The following MBP variants were observed in gnomAD, a reference collection of about 807,000 sequenced individuals.
MBP encodes myelin basic protein.
A neutral mutation model predicts 35.8 loss-of-function variants in MBP; 16 were observed. That is an observed-to-expected ratio of 0.45 (90% confidence interval 0.30 to 0.68). The LOEUF (loss-of-function observed/expected upper bound fraction) is 0.68, where lower values mean the gene tolerates loss of function less well. Ranked by LOEUF, MBP falls within the 30% of genes least tolerant of loss-of-function variation. The pLI, the probability that MBP is intolerant of heterozygous loss-of-function variation, is 0.08. For synonymous variants in MBP, 143 were observed against 159.6 expected, an observed-to-expected ratio of 0.90 and a Z score of 0.78; for missense variants, 380 against 404.7, an observed-to-expected ratio of 0.94 and a Z score of 0.52.
intron 1 of MBP, chr18:77,114,024 C>A (rs1270113625): frequency 6.6e-6 from 1 of 152,156 alleles, no homozygotes; most frequent in Non-Finnish European, 1.5e-5. Context: ...ACAAAGAGTT[C>A]CAAAAACCCA....
At chr18:77,119,521 C>T (rs1279484389) in intron 1 of MBP, among the ~76,000 whole-genome samples, 1 of 152,180 alleles carries the variant, frequency 6.6e-6, no homozygotes, top group African/African-American at 2.4e-5. Flanking sequence ...ACACAGTAGG[C>T]ACACAGCAAG....
At chr18:77,027,982 T>TTTTATTTATTTATTTA (rs56265384) in intron 3 of MBP, among the ~76,000 whole-genome samples, 5,683 of 145,354 alleles carry the variant, frequency 0.039, 198 homozygotes, top group East Asian at 0.14. Context: ...CCCAGCTAAT[T>TTTTATTTATTTATTTA]TTTATTTATT....
chr18:76,984,504 C>T lies in MBP; in HGVS notation c.870+271G>A, dbSNP rs1969420196. 6.9e-6 allele frequency: 3 copies of T among 435,342 alleles called. No individual in the cohort carries two copies. The East Asian group carries it at 1.4e-4, about 20-fold the overall frequency. The allele number at this position is 435,342 out of a possible 1,614,324, so 27.0% of individuals were successfully genotyped here. On this transcript the variant is annotated intron_variant, in intron 8 of 8. Transcript: ENST00000355994. Reference sequence around the variant, plus strand: ...CTCCAGCTGGGCCCTGCCCCAGAGTCAAGGTCAGTCGCCTGCTCCAGGGCC... The same window carrying T: ...CTCCAGCTGGGCCCTGCCCCAGAGTTAAGGTCAGTCGCCTGCTCCAGGGCC...
At chr18:77,060,940 AC>A (rs1973954205) in intron 3 of MBP, among the ~76,000 whole-genome samples, 1 of 152,112 alleles carries the variant, frequency 6.6e-6, no homozygotes, top group Non-Finnish European at 1.5e-5. Flanking sequence ...GCTGCCGCTG[AC>A]CCTCAATGGA....
chr18:76,998,322 C>A (rs979523116), intron 4 of MBP, among the ~76,000 whole-genome samples: 71 of 85,026 alleles, frequency 8.4e-4, no homozygotes, highest in Non-Finnish European at 7.5e-4. Flanking sequence ...CGTGCTGCGG[C>A]CCCCGTCAGA....
In MBP at chr18:76,989,219, T is replaced by G; in HGVS notation, c.682-307A>C. ...ACTGAGGGAGGCGGCGGACTTTGCT[T>G]CACCGTGAGCCCTTTCCGGGGCTAG... On this transcript the variant is annotated intron_variant, in intron 5 of 8. Coordinates refer to ENST00000355994, the MANE Select transcript of MBP (RefSeq NM_001025101.2). The surrounding 1 kb of genome is among the most constrained non-coding windows in gnomAD (Gnocchi z 4.0). 1 of 578,534 alleles carries G rather than the reference T, an allele frequency of 1.7e-6. No individual in the cohort carries two copies. The highest frequency in any genetic ancestry group is 3.2e-6 in the Non-Finnish European group (1 of 314,538). The allele number at this position is 578,534 out of a possible 1,614,324, so 35.8% of individuals were successfully genotyped here. A position where few individuals can be genotyped will look rare whatever the true frequency, so the allele number is the denominator to read the frequency against.
chr18:77,015,148 G>A, intron 4 of MBP: 1 of 983,822 alleles, frequency 1.0e-6, no homozygotes, highest in Non-Finnish European at 1.2e-6. Context: ...AAGTCACAAT[G>A]ATTGATATCA....
chr18:77,087,286 AC>A (rs1471522062), intron 2 of MBP: 1 of 152,214 alleles, frequency 6.6e-6, no homozygotes, highest in Non-Finnish European at 1.5e-5. Flanking sequence ...CTTCGCACTC[AC>A]CTGGCGCGGC....
At chr18:76,986,054 C>A in intron 7 of MBP, 1 of 985,664 alleles carries the variant, frequency 1.0e-6, no homozygotes. Flanking sequence ...GGAAGGAGCT[C>A]GCTGTGGGAG....
rs1212392465 is a variant in MBP, at chr18:76,978,885, T to G, written c.*1542A>C. 6.6e-6 allele frequency: 1 copy of G among 152,218 alleles called. No individual in the cohort carries two copies. Among genetic ancestry groups the G allele is most frequent in the African/African-American group, 2.4e-5 (1 of 41,434 alleles). The allele number at this position is 152,218 out of a possible 1,614,324, so 9.4% of individuals were successfully genotyped here. On this transcript the variant is annotated 3_prime_UTR_variant, in exon 9 of 9. Transcript: ENST00000355994. Reference sequence around the variant, plus strand: ...CAATATTCAGGAACAGTGTACACTTTCCGTTCAGCCATCGTCACAGCACGT... The same window carrying G: ...CAATATTCAGGAACAGTGTACACTTGCCGTTCAGCCATCGTCACAGCACGT...
In MBP at chr18:77,066,947, G is replaced by A. The variant is rs576667114; in HGVS notation, c.52-562C>T. Among the ~76,000 whole-genome samples the A allele has an allele frequency of 1.3e-3, 198 of 152,316 alleles. 3 individuals carry two copies. Among genetic ancestry groups the A allele is most frequent in the Non-Finnish European group, 1.2e-3 (84 of 68,030 alleles). On this transcript the variant is annotated intron_variant, in intron 2 of 8. Transcript: ENST00000355994. The stretch of plus-strand genomic sequence containing the variant: ...CCTGGCCACTCCTCTGGGAATCTTC[G>A]GCTTCAGAGTTTCTCCTCTGGGCCT...
rs201571232 is a variant in MBP at position 76,980,440 on chromosome 18, A to G, written c.902T>C (p.Met301Thr). ...CCAGGTGGGTTTTCAGCGTCTAGCC[A>G]TGGGTGATCCAGAGCGACTATCTCT... ...GGRDSRSGSP[M>T]ARR is the part of the protein sequence containing the mutation. Residue 301 changes from methionine to threonine, a missense_variant, in exon 9 of 9, where the codon ATG (methionine) becomes ACG (threonine). By Grantham distance (81) the Met-to-Thr change is moderately conservative. Coordinates refer to ENST00000355994, the MANE Select transcript of MBP (RefSeq NM_001025101.2). 9.3e-6 allele frequency: 15 copies of G among 1,613,844 alleles called. No individual in the cohort carries two copies. The highest frequency in any genetic ancestry group is 5.5e-5 in the South Asian group (5 of 91,068).
chr18:77,098,932 C>A (rs2063743679), intron 2 of MBP, among the ~76,000 whole-genome samples: 1 of 151,728 alleles, frequency 6.6e-6, no homozygotes, highest in African/African-American at 2.4e-5. Flanking sequence ...CTTCCTTCCC[C>A]CTCCCTCCTC....
Position 77,049,609 on chromosome 18 carries a change from T to C in MBP, c.139+16689A>G, listed in dbSNP as rs1003012034. Among the ~76,000 whole-genome samples the C allele has an allele frequency of 3.9e-5, 6 of 152,212 alleles. No individual in the cohort carries two copies. The East Asian group carries it at 1.2e-3, about 29-fold the overall frequency. ...TAATTCTGTCGTTCTAGATCATTCCTTTTGGTCACATGTGGATTTATTTTA... is the reference window on the plus strand; with the variant it reads ...TAATTCTGTCGTTCTAGATCATTCCCTTTGGTCACATGTGGATTTATTTTA... On this transcript the variant is annotated intron_variant, in intron 3 of 8. Coordinates refer to ENST00000355994, the MANE Select transcript of MBP (RefSeq NM_001025101.2).
At chr18:77,118,711 A>C (rs1401970797) in intron 1 of MBP, among the ~76,000 whole-genome samples, 3 of 145,412 alleles carry the variant, frequency 2.1e-5, no homozygotes, top group African/African-American at 7.7e-5. Flanking sequence ...CACCCCCCAC[A>C]CTATATGCAT....
intron 1 of MBP, among the ~76,000 whole-genome samples, chr18:77,111,343 G>A (rs1976443919): frequency 6.6e-6 from 1 of 152,202 alleles, no homozygotes; most frequent in Non-Finnish European, 1.5e-5. Context: ...CCTCAACTGT[G>A]TGCAAAATAA....
intron 4 of MBP, 26 bp from the exon 5 acceptor site, chr18:76,990,086 C>A: frequency 6.6e-7 from 1 of 1,510,184 alleles, no homozygotes; most frequent in Non-Finnish European, 9.2e-7. Flanking sequence ...GCGGTGACCT[C>A]AGGACAAGTC....
chr18:77,107,856 G>C (rs1976328236), intron 1 of MBP, among the ~76,000 whole-genome samples: 1 of 152,192 alleles, frequency 6.6e-6, no homozygotes, highest in South Asian at 2.1e-4. Context: ...ACTTGCATTT[G>C]ACTGGCCTCT....
Position 76,996,313 on chromosome 18 carries a change from G to C in MBP, c.577-6253C>G, listed in dbSNP as rs1354001288. Among the ~76,000 whole-genome samples the C allele has an allele frequency of 4.6e-5, 7 of 152,266 alleles. 1 individual carries two copies. In the East Asian group the frequency reaches 7.7e-4, roughly 17 times the overall value. On this transcript the variant is annotated intron_variant, in intron 4 of 8. Transcript: ENST00000355994. ...TTAAATACTAAAGGATAAATTACAT[G>C]CTTTTGGAAATGGCTTCTATAATGA...
Sources: allele counts gnomAD v4.1 joint callset (sites outside exome capture counted in the v4.1 genomes callset), GRCh38; gene constraint gnomAD v4.1.1; non-coding constraint Gnocchi (gnomAD v3.1); transcripts MANE v1.5; gene names NCBI Gene and HGNC (gene_info 2026-07-23, HGNC 2026-07-21).